The following TNS2 variants were observed in gnomAD, a reference collection of about 807,000 sequenced individuals.
TNS2 encodes tensin 2.
A neutral mutation model predicts 155.7 loss-of-function variants in TNS2; 77 were observed. That is an observed-to-expected ratio of 0.49 (90% CI 0.41 to 0.60). The LOEUF (loss-of-function observed/expected upper bound fraction) is 0.60, where lower values mean the gene tolerates loss of function less well. Among genes scored for constraint, TNS2 ranks in the 20% least tolerant of loss-of-function variants. TNS2 has a pLI of 0.00. For missense variants in TNS2, 1,703 were observed against 1,868.8 expected (o/e 0.91, Z 1.64); for synonymous variants, 726 against 763.9 (o/e 0.95, Z 0.82).
chr12:53,060,140 G>A lies in TNS2; in HGVS notation c.2499G>A (p.Pro833=), dbSNP rs370885318. ...CCCCACGGGCTGGCTCCATTTCCCC[G>A]GGCAGCCCGCCCTATCCACAATCTA... The part of the protein sequence containing the change: ...AHSPRAGSIS[P]GSPPYPQSRK... The change falls in exon 18 of 29, where the codon CCG becomes CCA. Residue 833 remains proline (P), a synonymous_variant. Coordinates refer to ENST00000314250, the MANE Select transcript of TNS2 (RefSeq NM_170754.4). This position sits in a 1 kb window ranked among gnomAD's most constrained non-coding sequence, Gnocchi z 6.1. 113 of 1,610,144 alleles carry A rather than the reference G, an allele frequency of 7.0e-5. No homozygotes were observed. The highest frequency in any genetic ancestry group is 1.3e-4 in the East Asian group (6 of 44,834).
chr12:53,052,378 G>T, intron 2 of TNS2, 77 bp from the exon 3 acceptor site: 1 of 1,582,114 alleles, frequency 6.3e-7, no homozygotes, highest in South Asian at 1.1e-5. Context: ...TCCAGGGTCT[G>T]GGAGATGAGG....
Position 53,053,399 on chromosome 12 carries a change from G to A in TNS2, c.223-12G>A. ...CACCAGGAGCTCAGTTCCTTACTCG[G>A]TCCCCTTCCAGGTGACTTCAGCCTG... is the stretch of plus-strand genomic sequence containing the variant. On this transcript the variant is annotated splice_polypyrimidine_tract_variant and intron_variant, in intron 3 of 28. Transcript: ENST00000314250. 1 of 1,613,948 alleles carries A rather than the reference G, an allele frequency of 6.2e-7. No individual in the cohort carries two copies. The highest frequency in any genetic ancestry group is 8.5e-7 in the Non-Finnish European group (1 of 1,179,922).
rs776061401 is a variant in TNS2 at position 53,060,896 on chromosome 12, A to G, written c.2990A>G (p.Asp997Gly). 3.9e-5 allele frequency: 62 copies of G among 1,588,960 alleles called. No homozygotes were observed. The Admixed American group carries it at 4.2e-4, about 11-fold the overall frequency. ...GAAAGGAGTCCAGGGGGCCACTCAG[A>G]TGGCGCCAGTCCTCGGAGCCCTGTG... Reference protein sequence around the residue: ...PQERSPGGHSDGASPRSPVPT... With the variant: ...PQERSPGGHSGGASPRSPVPT... The change falls in exon 20 of 29, where the codon GAT becomes GGT. Residue 997 changes from aspartate to glycine, a missense_variant. Coordinates refer to ENST00000314250, the MANE Select transcript of TNS2 (RefSeq NM_170754.4). The surrounding 1 kb of genome is among the most constrained non-coding windows in gnomAD (Gnocchi z 6.1).
upstream of TNS2, chr12:53,047,113 T>G (rs1187569310): frequency 6.7e-6 from 1 of 148,432 alleles, no homozygotes; most frequent in Admixed American, 6.7e-5. Context: ...GGCCGAGGGG[T>G]GGGGAGCTGG....
intron 17 of TNS2, 55 bp downstream of exon 17, chr12:53,058,882 G>C (rs755944524): frequency 6.3e-7 from 1 of 1,589,966 alleles, no homozygotes; most frequent in African/African-American, 1.3e-5. Flanking sequence ...GACCCTGGGG[G>C]GTGGTGCCAG....
upstream of TNS2, among the ~76,000 whole-genome samples, chr12:53,047,770 A>G (rs900682041): frequency 6.6e-6 from 1 of 152,166 alleles, no homozygotes; most frequent in African/African-American, 2.4e-5. Context: ...AGAGGCCGTA[A>G]GCGGGCACAG....
In TNS2 at chr12:53,058,645, C is replaced by T. The variant is rs759189904; in HGVS notation, c.1291+8C>T. ...GCCCCGAGAAGATCAAAGGTAAGAG[C>T]AGGGACATGGGCTGGGGACTGAGGG... On this transcript the variant is annotated splice_region_variant and intron_variant, in intron 16 of 28. Transcript: ENST00000314250. 1.2e-6 allele frequency: 2 copies of T among 1,614,064 alleles called. No individual in the cohort carries two copies. Among genetic ancestry groups the T allele is most frequent in the East Asian group, 4.5e-5 (2 of 44,880 alleles).
Position 53,053,438 on chromosome 12 carries a change from C to G in TNS2, c.250C>G (p.Pro84Ala). The change falls in exon 4 of 29, where the codon CCC becomes GCC. Residue 84 changes from proline (P) to alanine (A), a missense_variant. Coordinates refer to ENST00000314250, the MANE Select transcript of TNS2 (RefSeq NM_170754.4). ...GACTTCAGCCTGTCAGGCCTTGCCT[C>G]CCGTGGAGTTGGTGAGTGCGCTCTG... ...KVTSACQALP[P>A]VELRRNTAPV... is the part of the protein sequence containing the mutation. 2 of 1,614,032 alleles carry G rather than the reference C, an allele frequency of 1.2e-6. No homozygotes were observed. Among genetic ancestry groups the G allele is most frequent in the Non-Finnish European group, 1.7e-6 (2 of 1,179,964 alleles).
chr12:53,057,201 C>A, intron 11 of TNS2, 105 bp downstream of exon 11: 1 of 1,265,728 alleles, frequency 7.9e-7, no homozygotes, highest in Non-Finnish European at 1.1e-6. Flanking sequence ...GTGTGCCAAG[C>A]GCCGTGCCAG....
At position 53,060,639 on chromosome 12, in the gene TNS2, G is replaced by T; in HGVS notation, c.2769-36G>T. 6.3e-7 allele frequency: 1 copy of T among 1,586,708 alleles called. No homozygotes were observed. Among genetic ancestry groups the T allele is most frequent in the Non-Finnish European group, 8.6e-7 (1 of 1,164,078 alleles). On this transcript the variant is annotated intron_variant, in intron 19 of 28. Transcript: ENST00000314250. This position sits in a 1 kb window ranked among gnomAD's most constrained non-coding sequence, Gnocchi z 6.1. ...AGGTGGGGTGGGAGCAGCCACAATGGGGGCTCTGCTGACCATCTGCCCTTC... is the reference window on the plus strand; with the variant it reads ...AGGTGGGGTGGGAGCAGCCACAATGTGGGCTCTGCTGACCATCTGCCCTTC...
Position 53,064,234 on chromosome 12 carries a change from G to A in TNS2, c.*352G>A. ...CTGCCAGTTCCACCCAGCTGCAGGT[G>A]CCAGCACGGCAGGGATGGGAGAGGG... On this transcript the variant is annotated 3_prime_UTR_variant, in exon 29 of 29. Transcript: ENST00000314250. 1 of 259,348 alleles carries A rather than the reference G, an allele frequency of 3.9e-6. No individual in the cohort carries two copies. The highest frequency in any genetic ancestry group is 7.5e-5 in the South Asian group (1 of 13,260). 16.1% of individuals were successfully genotyped at this position (259,348 alleles called of 1,614,324 possible).
rs754214020 is a variant in TNS2, at chr12:53,059,226, G to C, written c.1585G>C (p.Gly529Arg). The change falls in exon 18 of 29, where the codon GGC (glycine) becomes CGC (arginine). Residue 529 changes from glycine to arginine, a missense_variant. Transcript: ENST00000314250. The surrounding 1 kb of genome is among the most constrained non-coding windows in gnomAD (Gnocchi z 4.7). ...CACAGAGCCGGCTGCTGAGTCCCCT[G>C]GCCGGCCGCCCCCTACAGCTGCTGA... ...LTTEPAAESP[G>R]RPPPTAAERQ... The C allele has an allele frequency of 6.4e-7, 1 of 1,552,144 alleles. No homozygotes were observed.
At position 53,058,417 on chromosome 12, in the gene TNS2, C is replaced by T; in HGVS notation, c.1197C>T (p.Pro399=). 1 of 1,614,190 alleles carries T rather than the reference C, an allele frequency of 6.2e-7. No individual in the cohort carries two copies. Among genetic ancestry groups the T allele is most frequent in the Non-Finnish European group, 8.5e-7 (1 of 1,180,032 alleles). The stretch of plus-strand genomic sequence containing the variant: ...TCCACGGACCACAGCTCACTTTCCC[C>T]AAGGACCAGCTTGACGAGGCCTGGA... The part of the protein sequence containing the change: ...CTIHGPQLTF[P]KDQLDEAWTD... Residue 399 remains proline (P), a synonymous_variant, in exon 15 of 29, where the codon CCC becomes CCT. Transcript: ENST00000314250.
At position 53,063,531 on chromosome 12, in the gene TNS2, G is replaced by T. The variant is rs74240613; in HGVS notation, c.4062-32G>T. ...CCCCCTTCAGCAGCTGTCCCCTGGG[G>T]TGTGCATCTTCACCTTCTTCTCCTT... On this transcript the variant is annotated intron_variant, in intron 27 of 28. Coordinates refer to ENST00000314250, the MANE Select transcript of TNS2 (RefSeq NM_170754.4). The surrounding 1 kb of genome is among the most constrained non-coding windows in gnomAD (Gnocchi z 5.6). The T allele has an allele frequency of 5.2e-4, 841 of 1,613,592 alleles. 6 individuals are homozygous for T. In the East Asian group the frequency reaches 0.011, roughly 20 times the overall value.
chr12:53,056,102 T>C, intron 10 of TNS2: 1 of 379,886 alleles, frequency 2.6e-6, no homozygotes, highest in Non-Finnish European at 4.8e-6. Flanking sequence ...ACGCCTGTAA[T>C]ACCAGCACTT....
rs1051180610 is a variant in TNS2 at position 53,050,917 on chromosome 12, G to C, written c.75+657G>C. Among the ~76,000 whole-genome samples the C allele has an allele frequency of 6.6e-6, 1 of 152,174 alleles. No homozygotes were observed. The highest frequency in any genetic ancestry group is 6.5e-5 in the Admixed American group (1 of 15,274). On this transcript the variant is annotated intron_variant, in intron 1 of 28. Transcript: ENST00000314250. This position sits in a 1 kb window ranked among gnomAD's most constrained non-coding sequence, Gnocchi z 4.7. Reference sequence around the variant, plus strand: ...GAGATACTACTGTGATGGGTCCCCGGGAGGAGGACAGCAGGAGTCTGAACT... The same window carrying C: ...GAGATACTACTGTGATGGGTCCCCGCGAGGAGGACAGCAGGAGTCTGAACT...
intron 8 of TNS2, 85 bp downstream of exon 8, chr12:53,055,321 A>C (rs1239568599): frequency 1.4e-6 from 2 of 1,458,694 alleles, no homozygotes; most frequent in Admixed American, 3.7e-5. Context: ...TAATAGTAGC[A>C]ATTGGCATCT....
Position 53,059,730 on chromosome 12 carries a change from C to T in TNS2, c.2089C>T (p.Leu697=). ...LYPCPACEEK[L]ALPTAALYGL... is the part of the protein sequence containing the mutation. ...CCCATGCCCAGCCTGCGAGGAGAAG[C>T]TGGCGCTGCCTACAGCAGCCTTGTA... Residue 697 remains leucine, a synonymous_variant, in exon 18 of 29, where the codon CTG becomes TTG. Coordinates refer to ENST00000314250, the MANE Select transcript of TNS2 (RefSeq NM_170754.4). The surrounding 1 kb of genome is among the most constrained non-coding windows in gnomAD (Gnocchi z 4.7). The T allele has an allele frequency of 3.1e-6, 5 of 1,613,032 alleles. No individual in the cohort carries two copies. The highest frequency in any genetic ancestry group is 4.2e-6 in the Non-Finnish European group (5 of 1,179,880).
In TNS2 at chr12:53,060,448, C is replaced by T; in HGVS notation, c.2661C>T (p.His887=). Residue 887 remains histidine (H), a synonymous_variant, in exon 19 of 29, where the codon CAC becomes CAT. Transcript: ENST00000314250. The surrounding 1 kb of genome is among the most constrained non-coding windows in gnomAD (Gnocchi z 6.1). The part of the protein sequence containing the change: ...PVSWREGPSG[H]STLPRSPRDA... ...CCTGGAGGGAGGGCCCCAGTGGGCA[C>T]AGCACACTGCCTCGGTCTCCCCGAG... 6.2e-7 allele frequency: 1 copy of T among 1,613,640 alleles called. No homozygotes were observed. The highest frequency in any genetic ancestry group is 8.5e-7 in the Non-Finnish European group (1 of 1,179,970).
Sources: gnomAD v4.1 joint callset for allele counts (sites outside exome capture counted in the v4.1 genomes callset) on GRCh38, gnomAD v4.1.1 for gene constraint, Gnocchi (gnomAD v3.1) non-coding constraint, MANE v1.5 for transcripts, NCBI Gene and HGNC (gene_info 2026-07-23, HGNC 2026-07-21) for gene names.